MECOM: variants seen among roughly 807,000 people sequenced by gnomAD.
MECOM encodes MDS1 and EVI1 complex locus, also known as histone-lysine N-methyltransferase MECOM.
A neutral mutation model predicts 116.3 loss-of-function variants in MECOM; 13 were observed. That is an observed-to-expected ratio of 0.11 (90% CI 0.07 to 0.18). The LOEUF is 0.18. Among genes scored for constraint, MECOM ranks in the 10% least tolerant of loss-of-function variants. The probability of loss-of-function intolerance (pLI) is 1.00; values close to 1 mark genes in which losing one functional copy is unlikely to be tolerated. For synonymous variants in MECOM, 528 were observed against 535.2 expected, an observed-to-expected ratio of 0.99 and a Z score of 0.19; for missense variants, 1,299 against 1,509.0, an observed-to-expected ratio of 0.86 and a Z score of 2.31.
intron 1 of MECOM, among the ~76,000 whole-genome samples, chr3:169,561,243 C>T (rs1762597170): frequency 6.6e-6 from 1 of 151,996 alleles, no homozygotes; most frequent in Non-Finnish European, 1.5e-5. Context: ...ACTTTGGAGA[C>T]TAACCTGGTA....
chr3:169,104,637 T>C (rs139774823), intron 10 of MECOM, among the ~76,000 whole-genome samples: 2 of 152,332 alleles, frequency 1.3e-5, no homozygotes, highest in Admixed American at 6.5e-5. Flanking sequence ...GCTGACATAC[T>C]CAGACTCCTG....
chr3:169,348,885 C>CTCA (rs1169083963), intron 2 of MECOM, among the ~76,000 whole-genome samples: 4 of 152,074 alleles, frequency 2.6e-5, no homozygotes, highest in African/African-American at 9.6e-5. Context: ...TCCCCCTGCC[C>CTCA]TCATGTCATA....
chr3:169,239,722 A>G (rs1754545412), intron 2 of MECOM, among the ~76,000 whole-genome samples: 1 of 152,122 alleles, frequency 6.6e-6, no homozygotes, highest in African/African-American at 2.4e-5. Context: ...TTTTCTAAAT[A>G]AGTAAAGAAT....
intron 1 of MECOM, among the ~76,000 whole-genome samples, chr3:169,558,561 TTG>T (rs1338333598): frequency 1.3e-5 from 2 of 152,192 alleles, no homozygotes; most frequent in African/African-American, 4.8e-5. Context: ...CAAATCTCCT[TTG>T]TTGCATTAAT....
chr3:169,417,176 CA>C (rs1237610350), intron 1 of MECOM, among the ~76,000 whole-genome samples: 1 of 151,086 alleles, frequency 6.6e-6, no homozygotes, highest in Non-Finnish European at 1.5e-5. Context: ...AGGCAACCTA[CA>C]AAATGGGAGA....
chr3:169,546,300 A>G (rs1342873459), intron 1 of MECOM, among the ~76,000 whole-genome samples: 1 of 152,234 alleles, frequency 6.6e-6, no homozygotes, highest in East Asian at 1.9e-4. Flanking sequence ...ATATGTTAAC[A>G]TATTTTCTAA....
chr3:169,398,776 G>C (rs1477822277), intron 1 of MECOM, among the ~76,000 whole-genome samples: 1 of 152,128 alleles, frequency 6.6e-6, no homozygotes, highest in Admixed American at 6.5e-5. Flanking sequence ...ATGGGTAGAG[G>C]AGGAAACTAA....
intron 2 of MECOM, among the ~76,000 whole-genome samples, chr3:169,320,911 G>A (rs78291644): frequency 0.04 from 6,154 of 152,192 alleles, 151 homozygotes; most frequent in Middle Eastern, 0.068. Context: ...TAGGTTCTGT[G>A]CTAGAATATA....
intron 1 of MECOM, among the ~76,000 whole-genome samples, chr3:169,655,215 C>T (rs989667974): frequency 7.2e-5 from 11 of 152,050 alleles, no homozygotes; most frequent in Admixed American, 3.3e-4. Flanking sequence ...CCACCATCCC[C>T]GCCACTCCCT....
intron 2 of MECOM, among the ~76,000 whole-genome samples, chr3:169,309,889 G>A (rs1281874282): frequency 6.6e-6 from 1 of 152,174 alleles, no homozygotes; most frequent in Admixed American, 6.5e-5. Context: ...GACCCTGTCA[G>A]GATGTGTGAT....
chr3:169,133,860 A>T (rs181684079), intron 3 of MECOM: 1 of 1,166,968 alleles, frequency 8.6e-7, no homozygotes, highest in African/African-American at 1.6e-5. Context: ...TTCATTCTGG[A>T]GTTCTATTTC....
At chr3:169,421,468 T>G (rs1739722083) in intron 1 of MECOM, among the ~76,000 whole-genome samples, 1 of 152,130 alleles carries the variant, frequency 6.6e-6, no homozygotes, top group Admixed American at 6.6e-5. Flanking sequence ...AGTGGACCAT[T>G]GGCAGTAGAT....
rs929839423 is a variant in MECOM at position 169,256,081 on chromosome 3, A to G, written c.376-112249T>C. Among the ~76,000 whole-genome samples, 3 of 152,202 alleles carry G rather than the reference A, an allele frequency of 2.0e-5. No homozygotes were observed. The South Asian group carries it at 6.2e-4, about 31-fold the overall frequency. On this transcript the variant is annotated intron_variant, in intron 2 of 16. Coordinates refer to ENST00000651503, the MANE Select transcript of MECOM (RefSeq NM_004991.4). ...CTGGTTTTTCTAGAATTCTGTCAGA[A>G]AAGTCTTCAAAAATACTTAGCTTCC...
chr3:169,209,885 T>C (rs909529005), intron 2 of MECOM, among the ~76,000 whole-genome samples: 1 of 152,190 alleles, frequency 6.6e-6, no homozygotes, highest in African/African-American at 2.4e-5. Context: ...ATCATTCTTC[T>C]ATAAAGACAT....
At chr3:169,294,207 T>C (rs1328017619) in intron 2 of MECOM, among the ~76,000 whole-genome samples, 2 of 152,218 alleles carry the variant, frequency 1.3e-5, no homozygotes, top group African/African-American at 4.8e-5. Flanking sequence ...CTTGGTTTTC[T>C]GTAATGTAGA....
chr3:169,364,503 A>G (rs972714572), intron 2 of MECOM, among the ~76,000 whole-genome samples: 2 of 152,034 alleles, frequency 1.3e-5, no homozygotes, highest in Non-Finnish European at 2.9e-5. Context: ...GCTTAAAGAA[A>G]CATGCCCAAA....
intron 4 of MECOM, among the ~76,000 whole-genome samples, chr3:169,128,702 A>G (rs1236883725): frequency 6.6e-6 from 1 of 152,214 alleles, no homozygotes. Flanking sequence ...GTACCCTTCT[A>G]GGCTAATTTA....
intron 12 of MECOM, among the ~76,000 whole-genome samples, chr3:169,096,203 C>A (rs1234344251): frequency 2.0e-5 from 3 of 151,606 alleles, no homozygotes; most frequent in Non-Finnish European, 4.4e-5. Flanking sequence ...CCATTATTTG[C>A]CATCATTTGT....
chr3:169,313,648 A>G (rs1719204675), intron 2 of MECOM, among the ~76,000 whole-genome samples: 1 of 152,234 alleles, frequency 6.6e-6, no homozygotes, highest in Admixed American at 6.5e-5. Flanking sequence ...AGATATTTTC[A>G]TCTTAGTCTA....
Sources: gnomAD v4.1 joint callset for allele counts (sites outside exome capture counted in the v4.1 genomes callset) on GRCh38, gnomAD v4.1.1 for gene constraint, MANE v1.5 for transcripts, NCBI Gene and HGNC (gene_info 2026-07-23, HGNC 2026-07-21) for gene names.